CIT: variants seen among roughly 807,000 people sequenced by gnomAD.
CIT encodes the protein citron rho-interacting serine/threonine kinase.
In CIT, 79 loss-of-function variants were observed where a neutral mutation model predicts 272.7. The ratio of observed to expected loss-of-function variants is 0.29; its 90% confidence interval spans 0.24 to 0.35. CIT has a LOEUF of 0.35. Among genes scored for constraint, CIT ranks in the 10% least tolerant of loss-of-function variants. The probability of loss-of-function intolerance (pLI) is 1.00; values close to 1 mark genes in which losing one functional copy is unlikely to be tolerated. For synonymous variants in CIT, 948 were observed against 995.6 expected, an observed-to-expected ratio of 0.95 and a Z score of 0.90; for missense variants, 1,909 against 2,618.3, an observed-to-expected ratio of 0.73 and a Z score of 5.91.
chr12:119,839,787 G>T (rs1168832882), intron 5 of CIT, among the ~76,000 whole-genome samples: 1 of 152,122 alleles, frequency 6.6e-6, no homozygotes, highest in African/African-American at 2.4e-5. Context: ...CAGGTTAGGA[G>T]AAGAAAAATA....
rs140764450 is a variant in CIT, at chr12:119,832,793, G to A, written c.731C>T (p.Ala244Val). 2.9e-5 allele frequency: 46 copies of A among 1,613,354 alleles called. No individual in the cohort carries two copies. The highest frequency in any genetic ancestry group is 9.3e-5 in the African/African-American group (7 of 74,918). Reference sequence around the variant, plus strand: ...TACCATCTTGTTTGAATTCATTTTCGCGGCAGATCCAAAATCCACCAGCTT... The same window carrying A: ...TACCATCTTGTTTGAATTCATTTTCACGGCAGATCCAAAATCCACCAGCTT... ...HIKLVDFGSA[A>V]KMNSNKMVNA... Residue 244 changes from alanine to valine, a missense_variant, in exon 7 of 48, where the codon GCG becomes GTG. By Grantham distance (64) the Ala-to-Val change is moderately conservative. Coordinates refer to ENST00000392521, the MANE Select transcript of CIT (RefSeq NM_001206999.2).
chr12:119,692,561 T>A (rs1956011917), intron 46 of CIT, among the ~76,000 whole-genome samples: 1 of 152,222 alleles, frequency 6.6e-6, no homozygotes, highest in African/African-American at 2.4e-5. Context: ...TACAGTTTTA[T>A]TGGAATGAAG....
In CIT at chr12:119,686,128, T is replaced by C. The variant is rs1955567335; in HGVS notation, c.*2104A>G. The C allele has an allele frequency of 6.6e-6, 1 of 152,386 alleles. No individual in the cohort carries two copies. Among genetic ancestry groups the C allele is most frequent in the African/African-American group, 2.4e-5 (1 of 41,390 alleles). 9.4% of individuals were successfully genotyped at this position (152,386 alleles called of 1,614,324 possible). A position where few individuals can be genotyped will look rare whatever the true frequency, so the allele number is the denominator to read the frequency against. ...AATAAAAAAGTAGAAACCAATTCAATTTCCTCTTTTTTTTTTTACGAATAT... is the reference window on the plus strand; with the variant it reads ...AATAAAAAAGTAGAAACCAATTCAACTTCCTCTTTTTTTTTTTACGAATAT... On this transcript the variant is annotated 3_prime_UTR_variant, in exon 48 of 48. Transcript: ENST00000392521.
At position 119,869,223 on chromosome 12, in the gene CIT, T is replaced by C. The variant is rs1950598571; in HGVS notation, c.97-22A>G. On this transcript the variant is annotated intron_variant, in intron 2 of 47. Coordinates refer to ENST00000392521, the MANE Select transcript of CIT (RefSeq NM_001206999.2). ...TCCCCTAAAAACAGCAAACAGCAGA[T>C]GGAGACACTGTCAATAATGAAAAGC... 3.2e-6 allele frequency: 5 copies of C among 1,581,344 alleles called. No individual in the cohort carries two copies. In the African/African-American group the frequency reaches 5.5e-5, roughly 17 times the overall value.
At chr12:119,760,772 C>T (rs575944165) in intron 20 of CIT, among the ~76,000 whole-genome samples, 167 bp downstream of exon 20, 1 of 152,290 alleles carries the variant, frequency 6.6e-6, no homozygotes, top group South Asian at 2.1e-4. Context: ...ACCTCAGTTG[C>T]TTTTAGGAAA....
At chr12:119,707,904 C>T (rs1303836914) in intron 40 of CIT, among the ~76,000 whole-genome samples, 5 of 152,178 alleles carry the variant, frequency 3.3e-5, no homozygotes, top group African/African-American at 1.2e-4. Context: ...ATCTTTGAAG[C>T]CAAGGATAAT....
At chr12:119,824,869 G>A (rs1250072185) in intron 8 of CIT, among the ~76,000 whole-genome samples, 1 of 152,088 alleles carries the variant, frequency 6.6e-6, no homozygotes, top group Non-Finnish European at 1.5e-5. Flanking sequence ...CGCGATCTTG[G>A]CTCACTGTAA....
intron 12 of CIT, 25 bp downstream of exon 12, chr12:119,783,883 G>A (rs766167882): frequency 6.5e-7 from 1 of 1,548,946 alleles, no homozygotes; most frequent in Non-Finnish European, 8.7e-7. Context: ...ACCTCCAAGG[G>A]AAGGGGGCTT....
chr12:119,862,508 T>C (rs1485038722), intron 3 of CIT, among the ~76,000 whole-genome samples: 2 of 151,834 alleles, frequency 1.3e-5, no homozygotes, highest in East Asian at 3.9e-4. Context: ...TAATCCCCAG[T>C]GTAATACTAT....
At chr12:119,695,984 A>G (rs1412306195) in intron 46 of CIT, among the ~76,000 whole-genome samples, 10 of 152,230 alleles carry the variant, frequency 6.6e-5, no homozygotes, top group Non-Finnish European at 1.2e-4. Context: ...ATTTTTTCAA[A>G]TATTTTCAAT....
At chr12:119,739,888 A>G (rs1958974877) in intron 24 of CIT, among the ~76,000 whole-genome samples, 1 of 152,310 alleles carries the variant, frequency 6.6e-6, no homozygotes, top group East Asian at 1.9e-4. Context: ...GCCCCCAAAG[A>G]GCAGTTATTA....
At chr12:119,821,336 T>C (rs1397643111) in intron 9 of CIT, among the ~76,000 whole-genome samples, 1 of 152,126 alleles carries the variant, frequency 6.6e-6, no homozygotes, top group Non-Finnish European at 1.5e-5. Context: ...ATACATTTTG[T>C]GAGTCTTCAG....
chr12:119,869,283 A>G, intron 2 of CIT, 82 bp from the exon 3 acceptor site: 9 of 1,381,228 alleles, frequency 6.5e-6, no homozygotes, highest in Non-Finnish European at 8.8e-6. Context: ...GTAAATTACA[A>G]GCCACCAACT....
At chr12:119,736,070 G>A (rs1958736224) in intron 24 of CIT, among the ~76,000 whole-genome samples, 1 of 152,196 alleles carries the variant, frequency 6.6e-6, no homozygotes, top group African/African-American at 2.4e-5. Flanking sequence ...CTCCTGCTCA[G>A]TAGCAGAATG....
intron 30 of CIT, among the ~76,000 whole-genome samples, chr12:119,720,061 A>G (rs1957747043): frequency 6.6e-6 from 1 of 152,160 alleles, no homozygotes; most frequent in Admixed American, 6.5e-5. Flanking sequence ...TCACTGTTAA[A>G]GTCCTTTCTG....
At chr12:119,831,818 C>T (rs1229997617) in intron 7 of CIT, among the ~76,000 whole-genome samples, 4 of 151,824 alleles carry the variant, frequency 2.6e-5, no homozygotes, top group Non-Finnish European at 4.4e-5. Flanking sequence ...TGCAGTGAGC[C>T]GAGATCGCGC....
chr12:119,700,255 C>T (rs1053394679), intron 44 of CIT, among the ~76,000 whole-genome samples: 1 of 152,218 alleles, frequency 6.6e-6, no homozygotes, highest in Non-Finnish European at 1.5e-5. Flanking sequence ...AGCTCTTCAT[C>T]GAGCCTCAGA....
chr12:119,727,615 C>A (rs190700675), intron 28 of CIT, among the ~76,000 whole-genome samples: 1 of 152,234 alleles, frequency 6.6e-6, no homozygotes, highest in Admixed American at 6.5e-5. Context: ...ATAAAAAAAT[C>A]TTTTAAAGAA....
chr12:119,809,970 C>A (rs939891823), intron 9 of CIT, among the ~76,000 whole-genome samples: 2 of 152,238 alleles, frequency 1.3e-5, no homozygotes. Context: ...AAGCTCGCAA[C>A]CCTTCCCCCA....
Sources: gnomAD v4.1 joint callset for allele counts (sites outside exome capture counted in the v4.1 genomes callset) on GRCh38, gnomAD v4.1.1 for gene constraint, MANE v1.5 for transcripts, NCBI Gene and HGNC (gene_info 2026-07-23, HGNC 2026-07-21) for gene names.